Variants in CHRM3 observed in about 807,000 individuals in gnomAD.
CHRM3 encodes muscarinic acetylcholine receptor M3.
A neutral mutation model predicts 41.8 loss-of-function variants in CHRM3; 11 were observed. That is an observed-to-expected ratio of 0.26 (90% CI 0.17 to 0.44). The LOEUF (loss-of-function observed/expected upper bound fraction) is 0.44. Among genes scored for constraint, CHRM3 ranks in the 20% least tolerant of loss-of-function variants. The pLI is 1.00. For synonymous variants in CHRM3, 297 were observed against 301.4 expected, an observed-to-expected ratio of 0.99 and a Z score of 0.15; for missense variants, 571 against 745.4, an observed-to-expected ratio of 0.77 and a Z score of 2.72.
intron 5 of CHRM3, chr1:239,707,210 A>AT (rs1307838442): frequency 1.3e-5 from 2 of 152,220 alleles, no homozygotes; most frequent in Non-Finnish European, 2.9e-5. Context: ...TAAGTTGCAT[A>AT]TGCCTTTCAT....
intron 3 of CHRM3, among the ~76,000 whole-genome samples, chr1:239,600,668 C>A (rs1486035210): frequency 6.6e-6 from 1 of 151,386 alleles, no homozygotes. Flanking sequence ...TCCCTCCTTC[C>A]CTCTCTCCCT....
At chr1:239,772,726 C>T (rs145533734) in intron 5 of CHRM3, among the ~76,000 whole-genome samples, 5 of 152,258 alleles carry the variant, frequency 3.3e-5, no homozygotes, top group Admixed American at 1.3e-4. Context: ...GTGACTCCCT[C>T]TCTATACAAT....
chr1:239,590,418 A>G (rs1374396877), intron 3 of CHRM3, among the ~76,000 whole-genome samples: 1 of 152,234 alleles, frequency 6.6e-6, no homozygotes, highest in Non-Finnish European at 1.5e-5. Flanking sequence ...AGGATAATAC[A>G]TCTTACAGAT....
chr1:239,864,182 ACCCTGCC>A (rs2149284648), intron 6 of CHRM3, among the ~76,000 whole-genome samples: 1 of 152,034 alleles, frequency 6.6e-6, no homozygotes, highest in South Asian at 2.1e-4. Context: ...ACATAGCGAG[ACCCTGCC>A]CCCCCACCAA....
chr1:239,844,716 A>G (rs1674120159), intron 6 of CHRM3, among the ~76,000 whole-genome samples: 1 of 152,206 alleles, frequency 6.6e-6, no homozygotes, highest in Non-Finnish European at 1.5e-5. Flanking sequence ...ATTATTATCA[A>G]GACAGCTTTA....
intron 6 of CHRM3, chr1:239,899,982 T>C (rs1413907042): frequency 6.6e-6 from 1 of 152,202 alleles, no homozygotes; most frequent in East Asian, 1.9e-4. Flanking sequence ...TGGGATTACT[T>C]ATAAAGTGCG....
intron 1 of CHRM3, among the ~76,000 whole-genome samples, chr1:239,436,172 T>A (rs1663250037): frequency 6.6e-6 from 1 of 152,158 alleles, no homozygotes; most frequent in Admixed American, 6.5e-5. Context: ...TGGTTTAGCA[T>A]TATAGAAGAC....
At chr1:239,716,246 G>T (rs994165553) in intron 5 of CHRM3, among the ~76,000 whole-genome samples, 3 of 152,004 alleles carry the variant, frequency 2.0e-5, no homozygotes, top group African/African-American at 7.3e-5. Context: ...GAATGAGGTT[G>T]TAGAACTGAT....
chr1:239,761,674 G>T (rs771625835), intron 5 of CHRM3, among the ~76,000 whole-genome samples: 1 of 152,114 alleles, frequency 6.6e-6, no homozygotes, highest in Non-Finnish European at 1.5e-5. Flanking sequence ...TGCGCTAGGG[G>T]GCCTTTTCAC....
intron 5 of CHRM3, among the ~76,000 whole-genome samples, chr1:239,769,251 C>T (rs1434556655): frequency 3.9e-5 from 6 of 152,126 alleles, no homozygotes; most frequent in African/African-American, 1.2e-4. Context: ...TGCCCGCCAC[C>T]GGCCTGGTGA....
At chr1:239,622,420 G>A (rs1460877243) in intron 3 of CHRM3, among the ~76,000 whole-genome samples, 4 of 152,100 alleles carry the variant, frequency 2.6e-5, no homozygotes, top group Admixed American at 2.0e-4. Flanking sequence ...CTTCTAGAAA[G>A]GATTCACCAT....
At chr1:239,600,006 C>G (rs1665312884) in intron 3 of CHRM3, among the ~76,000 whole-genome samples, 1 of 152,138 alleles carries the variant, frequency 6.6e-6, no homozygotes, top group African/African-American at 2.4e-5. Context: ...GAACTGATTT[C>G]TCCCTCAACC....
intron 3 of CHRM3, among the ~76,000 whole-genome samples, chr1:239,573,945 A>G (rs1014975628): frequency 6.6e-6 from 1 of 151,858 alleles, no homozygotes; most frequent in African/African-American, 2.4e-5. Context: ...TAATTTCTCT[A>G]TTTAGTTAGT....
At chr1:239,660,694 C>T (rs1439373194) in intron 4 of CHRM3, among the ~76,000 whole-genome samples, 1 of 152,032 alleles carries the variant, frequency 6.6e-6, no homozygotes, top group Non-Finnish European at 1.5e-5. Flanking sequence ...ACCAGCCTGG[C>T]CAACATGGCA....
intron 6 of CHRM3, among the ~76,000 whole-genome samples, chr1:239,891,903 C>A (rs1222384001): frequency 6.6e-6 from 1 of 152,174 alleles, no homozygotes; most frequent in Non-Finnish European, 1.5e-5. Flanking sequence ...AAGAAAGCTT[C>A]ATCCTAGTTA....
intron 3 of CHRM3, among the ~76,000 whole-genome samples, chr1:239,599,435 T>G (rs1439195821): frequency 3.9e-5 from 6 of 151,952 alleles, no homozygotes; most frequent in Admixed American, 3.3e-4. Flanking sequence ...ACTGTTTTTT[T>G]TTTTTTTTTC....
intron 6 of CHRM3, among the ~76,000 whole-genome samples, chr1:239,890,298 A>C (rs531455): frequency 6.6e-6 from 1 of 151,206 alleles, no homozygotes; most frequent in African/African-American, 2.4e-5. Context: ...GGTGAGCCGA[A>C]ATCATGCCAT....
intron 1 of CHRM3, among the ~76,000 whole-genome samples, chr1:239,488,085 G>T (rs116194922): frequency 0.011 from 1,660 of 152,200 alleles, 25 homozygotes; most frequent in South Asian, 0.037. Context: ...TATACTAAGG[G>T]TGTTGGTAAA....
intron 2 of CHRM3, among the ~76,000 whole-genome samples, chr1:239,545,294 C>G (rs1659184145): frequency 6.6e-6 from 1 of 151,996 alleles, no homozygotes. Context: ...ACAAAGGCAT[C>G]CGAGTGATAA....
Sources: allele counts gnomAD v4.1 joint callset (sites outside exome capture counted in the v4.1 genomes callset), GRCh38; gene constraint gnomAD v4.1.1; transcripts MANE v1.5; gene names NCBI Gene and HGNC (gene_info 2026-07-23, HGNC 2026-07-21).